The following MYRFL variants were observed in gnomAD, a reference collection of about 807,000 sequenced individuals.
The protein encoded by MYRFL is myelin regulatory factor-like protein.
A neutral mutation model predicts 109.4 loss-of-function variants in MYRFL; 88 were observed. The ratio of observed to expected loss-of-function variants is 0.80; its 90% confidence interval spans 0.68 to 0.96. The LOEUF is 0.96. Among genes scored for constraint, MYRFL ranks in the 40% least tolerant of loss-of-function variants. The pLI is 0.00. For synonymous variants in MYRFL, 324 were observed against 320.9 expected (o/e 1.01, Z -0.10); for missense variants, 957 against 954.9 (o/e 1.00, Z -0.03).
At chr12:69,953,537 A>C (rs1259678180) in intron 21 of MYRFL, among the ~76,000 whole-genome samples, 1 of 152,132 alleles carries the variant, frequency 6.6e-6, no homozygotes, top group Admixed American at 6.5e-5. Context: ...AGGCTGAGGC[A>C]GAAGGACTGC....
chr12:69,914,967 TGGA>T (rs1259518916), intron 13 of MYRFL, among the ~76,000 whole-genome samples: 1 of 152,324 alleles, frequency 6.6e-6, no homozygotes, highest in South Asian at 2.1e-4. Flanking sequence ...ACTCTGATGA[TGGA>T]GGAGAAGCCC....
At chr12:69,888,921 A>G (rs1322870333) in intron 6 of MYRFL, among the ~76,000 whole-genome samples, 1 of 151,962 alleles carries the variant, frequency 6.6e-6, no homozygotes, top group Non-Finnish European at 1.5e-5. Context: ...CATTCAGTGG[A>G]TTTTCTTTTT....
chr12:69,936,108 G>A lies in MYRFL; in HGVS notation c.1917-5G>A. ...TTTTTTTTTTTTTTTTTTTTTTTTT[G>A]ACAGTGCTTTGACGATAGTTGCCCT... On this transcript the variant is annotated splice_polypyrimidine_tract_variant and splice_region_variant and intron_variant, in intron 16 of 24. Transcript: ENST00000552032. 9 of 286,266 alleles carry A rather than the reference G, an allele frequency of 3.1e-5. No homozygotes were observed. Among genetic ancestry groups the A allele is most frequent in the South Asian group, 1.3e-4 (1 of 7,840 alleles). The allele number at this position is 286,266 out of a possible 1,614,324, so 17.7% of individuals were successfully genotyped here.
chr12:69,841,365 AG>A (rs751778158), intron 1 of MYRFL, among the ~76,000 whole-genome samples: 1 of 152,188 alleles, frequency 6.6e-6, no homozygotes, highest in Non-Finnish European at 1.5e-5. Context: ...CCCAAATACT[AG>A]CCACATACAG....
chr12:69,926,177 T>G (rs1955074712), intron 13 of MYRFL, among the ~76,000 whole-genome samples: 1 of 144,576 alleles, frequency 6.9e-6, no homozygotes. Flanking sequence ...CAGGTTGGAG[T>G]GCAATGGCAC....
chr12:69,909,156 A>G (rs1386389056), intron 11 of MYRFL, among the ~76,000 whole-genome samples: 1 of 152,238 alleles, frequency 6.6e-6, no homozygotes, highest in Non-Finnish European at 1.5e-5. Flanking sequence ...CAAAGAATGA[A>G]TGATGGCAGT....
At chr12:69,843,981 G>A (rs1159856133) in intron 1 of MYRFL, among the ~76,000 whole-genome samples, 6 of 152,218 alleles carry the variant, frequency 3.9e-5, no homozygotes, top group Non-Finnish European at 4.4e-5. Context: ...CTCTTGGCAG[G>A]CTTGGGTGTT....
Position 69,910,902 on chromosome 12 carries a change from C to CCT in MYRFL, c.1575_1576dup (p.Leu526SerfsTer18). The CCT allele has an allele frequency of 6.5e-7, 1 of 1,534,914 alleles. No homozygotes were observed. Among genetic ancestry groups the CCT allele is most frequent in the South Asian group, 1.2e-5 (1 of 84,024 alleles). ...GATGTCACCTGCGGAAACGGAGAGACCTTGGAGAACTTCCTCATGGTGGAT... is the reference window on the plus strand; with the variant it reads ...GATGTCACCTGCGGAAACGGAGAGACCTCTTGGAGAACTTCCTCATGGTGGAT... On this transcript the variant is annotated frameshift_variant, in exon 13 of 25. Transcript: ENST00000552032. LOFTEE classifies it high-confidence loss of function.
At chr12:69,888,134 G>A (rs1045299707) in intron 6 of MYRFL, among the ~76,000 whole-genome samples, 4 of 152,172 alleles carry the variant, frequency 2.6e-5, no homozygotes, top group African/African-American at 7.2e-5. Flanking sequence ...TGTTTGAACA[G>A]CCTATCTTGG....
intron 2 of MYRFL, among the ~76,000 whole-genome samples, chr12:69,867,791 A>G (rs1350364417): frequency 6.6e-6 from 1 of 152,164 alleles, no homozygotes; most frequent in Non-Finnish European, 1.5e-5. Context: ...GAGTTCTGTG[A>G]GAAGAGCTTG....
chr12:69,853,948 G>A (rs375875655), intron 1 of MYRFL, among the ~76,000 whole-genome samples: 14 of 152,288 alleles, frequency 9.2e-5, no homozygotes, highest in East Asian at 5.8e-4. Flanking sequence ...ACGGGGTGGC[G>A]GCCGGGCAGA....
At chr12:69,875,625 G>C (rs1885612995) in intron 2 of MYRFL, among the ~76,000 whole-genome samples, 1 of 152,188 alleles carries the variant, frequency 6.6e-6, no homozygotes. Context: ...CCTGGGCTCT[G>C]CCTCCTGTCA....
chr12:69,836,824 G>T (rs1355570139), intron 1 of MYRFL, among the ~76,000 whole-genome samples: 1 of 152,060 alleles, frequency 6.6e-6, no homozygotes, highest in East Asian at 1.9e-4. Context: ...CAATGCTCAG[G>T]ACCTGTCCTC....
chr12:69,917,903 G>GAA lies in MYRFL; in HGVS notation c.1602+6986_1602+6987dup, dbSNP rs11439873. ...TGAGATGTCAACTGAACATTTAGAT[G>GAA]AAAAAAAAAAAAAAGTCCAGAAGGT... On this transcript the variant is annotated intron_variant, in intron 13 of 24. Transcript: ENST00000552032. 1.1e-3 allele frequency among the ~76,000 whole-genome samples: 156 copies of GAA among 141,112 alleles called. 1 individual carries two copies. In the South Asian group the frequency reaches 0.016, roughly 14 times the overall value. The allele number at this position is 141,112 out of a possible 152,430, so 92.6% of individuals were successfully genotyped here.
At chr12:69,908,455 AG>A (rs1376837350) in intron 11 of MYRFL, among the ~76,000 whole-genome samples, 2 of 152,196 alleles carry the variant, frequency 1.3e-5, no homozygotes, top group African/African-American at 4.8e-5. Context: ...GGGAATGGGA[AG>A]GAAGAGCTTT....
intron 13 of MYRFL, among the ~76,000 whole-genome samples, chr12:69,919,738 C>T (rs997239870): frequency 8.5e-5 from 13 of 152,312 alleles, no homozygotes; most frequent in Middle Eastern, 3.4e-3. Context: ...GTTTTTCTCC[C>T]GTTGGCAATC....
At chr12:69,827,367 G>T (rs1056876612) in intron 1 of MYRFL, among the ~76,000 whole-genome samples, 1 of 151,280 alleles carries the variant, frequency 6.6e-6, no homozygotes, top group African/African-American at 2.4e-5. Flanking sequence ...ACTTCCAAAC[G>T]TGACTAAATC....
chr12:69,868,936 A>G (rs1376278493), intron 2 of MYRFL, among the ~76,000 whole-genome samples: 1 of 152,062 alleles, frequency 6.6e-6, no homozygotes, highest in Non-Finnish European at 1.5e-5. Flanking sequence ...ACACGTACAC[A>G]CAGATATGCA....
intron 1 of MYRFL, 119 bp from the exon 2 acceptor site, chr12:69,855,161 A>G (rs1884195852): frequency 2.0e-6 from 1 of 509,272 alleles, no homozygotes; most frequent in Non-Finnish European, 3.5e-6. Context: ...CATGCTGTTG[A>G]TCCTTGTGGA....
Sources: gnomAD v4.1 joint callset for allele counts (sites outside exome capture counted in the v4.1 genomes callset) on GRCh38, gnomAD v4.1.1 for gene constraint, MANE v1.5 for transcripts, NCBI Gene and HGNC (gene_info 2026-07-23, HGNC 2026-07-21) for gene names.